CHST8: variants seen among roughly 807,000 people sequenced by gnomAD.
CHST8 encodes carbohydrate sulfotransferase 8.
A neutral mutation model predicts 15.0 loss-of-function variants in CHST8; 10 were observed. The ratio of observed to expected loss-of-function variants is 0.67; its 90% CI spans 0.41 to 1.13. The LOEUF (loss-of-function observed/expected upper bound fraction) is 1.13, where lower values mean the gene tolerates loss of function less well. CHST8 is among the 50% of genes most tolerant of loss of function. The pLI, the probability that CHST8 is intolerant of heterozygous loss-of-function variation, is 0.00. For missense variants in CHST8, 634 were observed against 608.2 expected, an observed-to-expected ratio of 1.04 and a Z score of -0.45; for synonymous variants, 259 against 256.6, an observed-to-expected ratio of 1.01 and a Z score of -0.09.
At chr19:33,741,060 A>T (rs886766354) in intron 3 of CHST8, among the ~76,000 whole-genome samples, 4 of 152,192 alleles carry the variant, frequency 2.6e-5, no homozygotes, top group Non-Finnish European at 4.4e-5. Flanking sequence ...GCAGGGTCAG[A>T]ACTGTTTGTG....
Position 33,753,059 on chromosome 19 carries a change from G to A in CHST8, c.131-18354G>A, listed in dbSNP as rs117452132. Among the ~76,000 whole-genome samples, 228 of 152,206 alleles carry A rather than the reference G, an allele frequency of 1.5e-3. 1 individual carries two copies. The East Asian group carries it at 0.019, about 13-fold the overall frequency. On this transcript the variant is annotated intron_variant, in intron 3 of 4. Coordinates refer to ENST00000650847, the MANE Select transcript of CHST8 (RefSeq NM_001127895.2). ...GCCAGGGGGGTGCACTGGGGGCTGG[G>A]GGAAGGCTCGCTTGCATTTGAATTG...
At chr19:33,675,971 A>G (rs1160351849) in intron 2 of CHST8, among the ~76,000 whole-genome samples, 1 of 152,112 alleles carries the variant, frequency 6.6e-6, no homozygotes, top group Non-Finnish European at 1.5e-5. Flanking sequence ...CCTTTCCCCA[A>G]TCCAGGCTCC....
chr19:33,712,843 C>T (rs1485905198), intron 3 of CHST8, among the ~76,000 whole-genome samples: 1 of 152,132 alleles, frequency 6.6e-6, no homozygotes, highest in East Asian at 1.9e-4. Context: ...TCAGTGTCTG[C>T]CCTGATCACC....
At chr19:33,694,303 T>C (rs1400943086) in intron 3 of CHST8, among the ~76,000 whole-genome samples, 1 of 148,904 alleles carries the variant, frequency 6.7e-6, no homozygotes, top group Non-Finnish European at 1.5e-5. Flanking sequence ...TGAGTTTTCT[T>C]TAAGTGGGGC....
chr19:33,701,112 C>T (rs1328391436), intron 3 of CHST8, among the ~76,000 whole-genome samples: 2 of 152,102 alleles, frequency 1.3e-5, no homozygotes, highest in Non-Finnish European at 2.9e-5. Context: ...CCCTGGGAGG[C>T]CCTGATTTGG....
intron 1 of CHST8, among the ~76,000 whole-genome samples, chr19:33,663,646 G>A (rs562578072): frequency 5.9e-5 from 9 of 152,246 alleles, no homozygotes; most frequent in Admixed American, 2.0e-4. Context: ...AGAGGCAGGC[G>A]GATCACTTGA....
intron 2 of CHST8, chr19:33,685,014 C>T (rs1600261111): frequency 6.6e-6 from 1 of 152,220 alleles, no homozygotes; most frequent in East Asian, 1.9e-4. Flanking sequence ...TTTCCCGAGC[C>T]CGGGGTCCGC....
At chr19:33,719,812 G>A (rs1386915249) in intron 3 of CHST8, among the ~76,000 whole-genome samples, 2 of 151,888 alleles carry the variant, frequency 1.3e-5, no homozygotes, top group East Asian at 3.9e-4. Context: ...CTTTACACTT[G>A]AGCATGACAC....
At chr19:33,630,923 T>C (rs1972113911) in intron 1 of CHST8, among the ~76,000 whole-genome samples, 1 of 152,204 alleles carries the variant, frequency 6.6e-6, no homozygotes, top group Non-Finnish European at 1.5e-5. Flanking sequence ...TCAGTGGCTT[T>C]TCCTGTGGCT....
intron 1 of CHST8, among the ~76,000 whole-genome samples, chr19:33,662,698 G>A (rs764957803): frequency 2.0e-5 from 3 of 152,166 alleles, no homozygotes; most frequent in African/African-American, 7.2e-5. Flanking sequence ...AGGGAGGAGG[G>A]GAAGAAGAGG....
At chr19:33,698,705 G>T (rs752219043) in intron 3 of CHST8, among the ~76,000 whole-genome samples, 2 of 152,118 alleles carry the variant, frequency 1.3e-5, no homozygotes, top group Admixed American at 6.5e-5. Context: ...GAGATCACAG[G>T]TTCCATTTGG....
intron 3 of CHST8, among the ~76,000 whole-genome samples, chr19:33,695,817 CTTTCTTT>C (rs1973202195): frequency 8.6e-6 from 1 of 116,202 alleles, no homozygotes; most frequent in African/African-American, 3.7e-5. Flanking sequence ...TTCTTTCTTT[CTTTCTTT>C]TTTTTTTTTT....
chr19:33,680,990 C>T (rs528066401), intron 2 of CHST8, among the ~76,000 whole-genome samples: 4 of 152,276 alleles, frequency 2.6e-5, no homozygotes, highest in South Asian at 4.1e-4. Flanking sequence ...CCAATTGTAA[C>T]GGTTTGCAAA....
At chr19:33,644,279 G>A (rs562545655) in intron 1 of CHST8, among the ~76,000 whole-genome samples, 1 of 152,224 alleles carries the variant, frequency 6.6e-6, no homozygotes, top group African/African-American at 2.4e-5. Context: ...GCTGATCCAT[G>A]TACTCAACAA....
chr19:33,624,800 G>C (rs1972030608), intron 1 of CHST8, among the ~76,000 whole-genome samples: 1 of 152,204 alleles, frequency 6.6e-6, no homozygotes, highest in African/African-American at 2.4e-5. Flanking sequence ...TTTGATCATT[G>C]CTGATGCGTC....
At chr19:33,727,296 A>G (rs893930622) in intron 3 of CHST8, among the ~76,000 whole-genome samples, 1 of 152,118 alleles carries the variant, frequency 6.6e-6, no homozygotes, top group Non-Finnish European at 1.5e-5. Context: ...GCGCAGGACC[A>G]CAACTTGTGC....
At chr19:33,712,502 A>C (rs925070450) in intron 3 of CHST8, among the ~76,000 whole-genome samples, 1 of 152,130 alleles carries the variant, frequency 6.6e-6, no homozygotes, top group South Asian at 2.1e-4. Flanking sequence ...GAAACCTGCT[A>C]CTTGTGAATC....
rs149395379 is a variant in CHST8 at position 33,742,839 on chromosome 19, G to T, written c.131-28574G>T. ...CTACACCAACATTGCTACTCAGTAG[G>T]ACAAGTGTGCACACTTTGGTTATGA... On this transcript the variant is annotated intron_variant, in intron 3 of 4. Transcript: ENST00000650847. Among the ~76,000 whole-genome samples the T allele has an allele frequency of 7.4e-3, 1,121 of 152,204 alleles. 9 individuals are homozygous for T. The highest frequency in any genetic ancestry group is 0.024 in the African/African-American group (1,008 of 41,514).
chr19:33,679,407 C>A (rs1373127070), intron 2 of CHST8, among the ~76,000 whole-genome samples: 3 of 152,200 alleles, frequency 2.0e-5, no homozygotes, highest in African/African-American at 7.2e-5. Context: ...GTCGAGGGAA[C>A]TTTTAACCCA....
Sources: gnomAD v4.1 joint callset for allele counts (sites outside exome capture counted in the v4.1 genomes callset) on GRCh38, gnomAD v4.1.1 for gene constraint, MANE v1.5 for transcripts, NCBI Gene and HGNC (gene_info 2026-07-23, HGNC 2026-07-21) for gene names.